Variants in POU2F1 observed in about 807,000 individuals in gnomAD.
POU2F1 encodes the protein POU domain, class 2, transcription factor 1.
A neutral mutation model predicts 84.9 loss-of-function variants in POU2F1; 16 were observed. That is an observed-to-expected ratio of 0.19 (90% CI 0.13 to 0.29). The LOEUF is 0.29. POU2F1 is among the 10% of genes least tolerant of loss of function. The probability of loss-of-function intolerance (pLI) is 1.00; values close to 1 mark genes in which losing one functional copy is unlikely to be tolerated. For missense variants in POU2F1, 738 were observed against 942.6 expected (o/e 0.78, Z 2.84); for synonymous variants, 368 against 368.3 (o/e 1.00, Z 0.01).
At chr1:167,394,130 G>C (rs1012868592) in intron 9 of POU2F1, among the ~76,000 whole-genome samples, 2 of 151,672 alleles carry the variant, frequency 1.3e-5, no homozygotes, top group Non-Finnish European at 2.9e-5. Context: ...AGCAGTTCTC[G>C]TGCCTCAGCC....
chr1:167,255,467 T>A (rs1413042369), intron 1 of POU2F1, among the ~76,000 whole-genome samples: 1 of 152,060 alleles, frequency 6.6e-6, no homozygotes, highest in East Asian at 1.9e-4. Flanking sequence ...AATTACTAGA[T>A]GAGGATGGTT....
chr1:167,288,510 G>A (rs1407096468), intron 1 of POU2F1, among the ~76,000 whole-genome samples: 1 of 152,100 alleles, frequency 6.6e-6, no homozygotes, highest in East Asian at 1.9e-4. Flanking sequence ...GCAACATAAT[G>A]AGGCCCCATC....
intron 1 of POU2F1, chr1:167,329,031 G>A (rs1571310720): frequency 1.7e-6 from 2 of 1,155,550 alleles, no homozygotes. Context: ...GTCCTAGCTG[G>A]TAGGAGAGAC....
chr1:167,224,125 G>A (rs1648445714), intron 1 of POU2F1, among the ~76,000 whole-genome samples: 1 of 152,176 alleles, frequency 6.6e-6, no homozygotes, highest in East Asian at 1.9e-4. Flanking sequence ...GATGGATGTT[G>A]TTAACTGGCC....
chr1:167,356,607 C>T (rs1023980571), intron 2 of POU2F1, among the ~76,000 whole-genome samples: 1 of 152,058 alleles, frequency 6.6e-6, no homozygotes, highest in Admixed American at 6.5e-5. Flanking sequence ...GCAGCAACTT[C>T]AATTCTTGCC....
At chr1:167,276,858 A>G (rs1240914341) in intron 1 of POU2F1, among the ~76,000 whole-genome samples, 2 of 152,202 alleles carry the variant, frequency 1.3e-5, no homozygotes, top group East Asian at 3.9e-4. Flanking sequence ...AACAAAAAAG[A>G]TGAGAAAGGA....
chr1:167,364,834 G>C (rs546563730), intron 2 of POU2F1, among the ~76,000 whole-genome samples: 1 of 152,084 alleles, frequency 6.6e-6, no homozygotes, highest in South Asian at 2.1e-4. Flanking sequence ...CTCCCAAAGT[G>C]CTGGGTTTAC....
At chr1:167,282,419 C>T (rs1305907195) in intron 1 of POU2F1, among the ~76,000 whole-genome samples, 2 of 152,222 alleles carry the variant, frequency 1.3e-5, no homozygotes, top group Non-Finnish European at 2.9e-5. Context: ...GCTGGGATTA[C>T]AGGCGTGACC....
At chr1:167,248,261 C>T (rs1650482393) in intron 1 of POU2F1, among the ~76,000 whole-genome samples, 2 of 152,168 alleles carry the variant, frequency 1.3e-5, no homozygotes, top group African/African-American at 2.4e-5. Context: ...AGTAGATGAA[C>T]TTAATGGATG....
chr1:167,221,193 C>T (rs931453159), intron 1 of POU2F1, among the ~76,000 whole-genome samples: 2 of 151,530 alleles, frequency 1.3e-5, no homozygotes, highest in Admixed American at 6.6e-5. Flanking sequence ...GATCCACTGC[C>T]CTCCTCCTGC....
intron 13 of POU2F1, among the ~76,000 whole-genome samples, chr1:167,409,429 A>G (rs993414393): frequency 2.0e-5 from 3 of 152,200 alleles, no homozygotes; most frequent in Non-Finnish European, 2.9e-5. Flanking sequence ...CTCAGCAACA[A>G]TAAGTTCACT....
chr1:167,365,449 A>T lies in POU2F1; in HGVS notation c.128-18A>T. ...TTTATTTCTTTTAATAGTTGAAATT[A>T]TTTTGCTTGCTTTCTAGGCACACAA... On this transcript the variant is annotated intron_variant, in intron 2 of 15. Coordinates refer to ENST00000367866, the MANE Select transcript of POU2F1 (RefSeq NM_002697.4). 6.6e-7 allele frequency: 1 copy of T among 1,522,094 alleles called. No individual in the cohort carries two copies. 94.3% of individuals were successfully genotyped at this position (1,522,094 alleles called of 1,614,324 possible).
At chr1:167,257,530 C>A (rs949769380) in intron 1 of POU2F1, among the ~76,000 whole-genome samples, 1 of 152,084 alleles carries the variant, frequency 6.6e-6, no homozygotes, top group African/African-American at 2.4e-5. Flanking sequence ...AGCTTCAAAT[C>A]TAAAGAAATT....
chr1:167,245,508 G>A (rs886151883), intron 1 of POU2F1, among the ~76,000 whole-genome samples: 12 of 150,498 alleles, frequency 8.0e-5, no homozygotes, highest in South Asian at 2.1e-4. Flanking sequence ...CCACCTACCC[G>A]GTTCAAGTGA....
chr1:167,385,534 G>T (rs1647908652), intron 8 of POU2F1, among the ~76,000 whole-genome samples: 2 of 151,982 alleles, frequency 1.3e-5, no homozygotes. Context: ...CAACTGATTT[G>T]CCAAAGGTGC....
intron 9 of POU2F1, among the ~76,000 whole-genome samples, chr1:167,394,065 C>T (rs538567163): frequency 3.9e-5 from 6 of 152,032 alleles, no homozygotes; most frequent in African/African-American, 1.4e-4. Context: ...GTCACCCAGG[C>T]TGGAGTGCAG....
intron 1 of POU2F1, among the ~76,000 whole-genome samples, chr1:167,288,152 T>A (rs1465457796): frequency 2.6e-5 from 4 of 152,172 alleles, no homozygotes; most frequent in African/African-American, 7.2e-5. Context: ...AAGACTGAAA[T>A]GCAAGAGGGA....
At chr1:167,258,473 C>T (rs186056893) in intron 1 of POU2F1, among the ~76,000 whole-genome samples, 1 of 152,280 alleles carries the variant, frequency 6.6e-6, no homozygotes, top group Admixed American at 6.5e-5. Context: ...ATTTGTTTTG[C>T]TTTCTTCTTT....
intron 7 of POU2F1, among the ~76,000 whole-genome samples, chr1:167,378,266 A>G (rs895624981): frequency 2.0e-5 from 3 of 151,566 alleles, no homozygotes; most frequent in Admixed American, 6.6e-5. Context: ...ATGGAGTTTC[A>G]CTCTTGTTGC....
Sources: gnomAD v4.1 joint callset for allele counts (sites outside exome capture counted in the v4.1 genomes callset) on GRCh38, gnomAD v4.1.1 for gene constraint, MANE v1.5 for transcripts, NCBI Gene and HGNC (gene_info 2026-07-23, HGNC 2026-07-21) for gene names.